USP13: variants seen among roughly 807,000 people sequenced by gnomAD.
The protein encoded by USP13 is ubiquitin specific peptidase 13.
Under a neutral mutation model 107.8 loss-of-function variants are expected in USP13, and 68 were observed. That is an observed-to-expected ratio of 0.63 (90% CI 0.52 to 0.77). USP13 has a LOEUF of 0.77. Ranked by LOEUF, USP13 falls within the 30% of genes least tolerant of loss-of-function variation. USP13 has a pLI of 0.00. For synonymous variants in USP13, 377 were observed against 389.5 expected (o/e 0.97, Z 0.38); for missense variants, 945 against 1,093.3 (o/e 0.86, Z 1.91).
chr3:179,689,531 G>A (rs1013803112), intron 2 of USP13, among the ~76,000 whole-genome samples: 14 of 151,928 alleles, frequency 9.2e-5, no homozygotes, highest in African/African-American at 2.4e-4. Flanking sequence ...GGTGGCAGCC[G>A]CTTGTAATCT....
At chr3:179,736,882 G>A (rs1411704855) in intron 10 of USP13, among the ~76,000 whole-genome samples, 1 of 152,212 alleles carries the variant, frequency 6.6e-6, no homozygotes, top group Non-Finnish European at 1.5e-5. Flanking sequence ...TATGGTCTGT[G>A]TTGGGGACTG....
chr3:179,730,159 A>C (rs1394468999), intron 8 of USP13, 30 bp from the exon 9 acceptor site: 1 of 1,591,718 alleles, frequency 6.3e-7, no homozygotes, highest in Non-Finnish European at 8.6e-7. Context: ...TGCAGTTGCT[A>C]TGTTTTAACT....
At chr3:179,682,225 G>T (rs1227860509) in intron 2 of USP13, among the ~76,000 whole-genome samples, 3 of 138,342 alleles carry the variant, frequency 2.2e-5, no homozygotes, top group African/African-American at 7.8e-5. Flanking sequence ...GTGTTTTTAA[G>T]AATACATAGA....
chr3:179,740,468 ACT>A (rs1714154817), intron 11 of USP13, 96 bp downstream of exon 11: 1 of 1,531,128 alleles, frequency 6.5e-7, no homozygotes, highest in Non-Finnish European at 8.9e-7. Context: ...ATGCCTCCCC[ACT>A]CTCTTTCTTC....
intron 6 of USP13, among the ~76,000 whole-genome samples, chr3:179,713,000 G>T (rs1170369466): frequency 6.6e-6 from 1 of 152,040 alleles, no homozygotes; most frequent in East Asian, 1.9e-4. Context: ...CAATGTTTTT[G>T]TAGGTTTAGG....
At chr3:179,777,345 G>T (rs2108552588) in intron 19 of USP13, among the ~76,000 whole-genome samples, 1 of 151,792 alleles carries the variant, frequency 6.6e-6, no homozygotes, top group South Asian at 2.1e-4. Flanking sequence ...GGTGGGAAGT[G>T]CTCAGTAAAC....
chr3:179,709,325 A>G (rs1380806443), intron 6 of USP13, among the ~76,000 whole-genome samples: 1 of 152,232 alleles, frequency 6.6e-6, no homozygotes, highest in Non-Finnish European at 1.5e-5. Flanking sequence ...GTGAGTGTGC[A>G]TAATCAAGTC....
chr3:179,752,202 C>A, intron 13 of USP13, 83 bp from the exon 14 acceptor site: 1 of 1,265,738 alleles, frequency 7.9e-7, no homozygotes, highest in Non-Finnish European at 1.1e-6. Flanking sequence ...AGGTGTGCCT[C>A]AGACAAAGTT....
intron 3 of USP13, among the ~76,000 whole-genome samples, chr3:179,698,871 A>ATTTTTTT: frequency 6.9e-6 from 1 of 144,482 alleles, no homozygotes; most frequent in Non-Finnish European, 1.5e-5. Flanking sequence ...GTTGAATACT[A>ATTTTTTT]TTTTTTTTTT....
At chr3:179,694,304 C>T (rs80098424) in intron 3 of USP13, among the ~76,000 whole-genome samples, 27,047 of 151,954 alleles carry the variant, frequency 0.18, 2,609 homozygotes, top group Non-Finnish European at 0.2. Context: ...AAGATAGATG[C>T]TTATTTTGCT....
chr3:179,770,712 C>T (rs1715318492), intron 19 of USP13, among the ~76,000 whole-genome samples: 1 of 151,898 alleles, frequency 6.6e-6, no homozygotes. Context: ...TCAAGCTATT[C>T]TCCTGCCTCA....
intron 1 of USP13, among the ~76,000 whole-genome samples, chr3:179,672,274 C>T (rs1720770785): frequency 6.6e-6 from 1 of 152,104 alleles, no homozygotes; most frequent in South Asian, 2.1e-4. Flanking sequence ...GGATACAATA[C>T]AAAGTAGCAA....
chr3:179,748,980 G>A (rs919208094), intron 13 of USP13, among the ~76,000 whole-genome samples: 27 of 152,192 alleles, frequency 1.8e-4, no homozygotes, highest in Non-Finnish European at 2.2e-4. Flanking sequence ...GGCAAATATA[G>A]GATGGAGTTG....
intron 14 of USP13, among the ~76,000 whole-genome samples, chr3:179,752,984 T>C (rs1714664206): frequency 6.6e-6 from 1 of 152,190 alleles, no homozygotes; most frequent in Non-Finnish European, 1.5e-5. Context: ...TTCCTGACCA[T>C]TGTTAGAGGT....
intron 8 of USP13, among the ~76,000 whole-genome samples, chr3:179,728,320 G>C (rs1363890365): frequency 2.0e-5 from 3 of 149,478 alleles, no homozygotes; most frequent in Non-Finnish European, 4.5e-5. Context: ...CGGCCGGGCA[G>C]AGACGCTCCT....
intron 3 of USP13, among the ~76,000 whole-genome samples, chr3:179,691,688 G>T (rs963983240): frequency 6.6e-6 from 1 of 152,100 alleles, no homozygotes; most frequent in Admixed American, 6.5e-5. Context: ...TAAATATTTT[G>T]TTTCTCCTCA....
At chr3:179,756,753 T>A (rs1235878850) in intron 15 of USP13, among the ~76,000 whole-genome samples, 1 of 152,124 alleles carries the variant, frequency 6.6e-6, no homozygotes, top group Non-Finnish European at 1.5e-5. Flanking sequence ...AGTCAGACAC[T>A]GTCTCCAAAA....
At chr3:179,777,683 C>A (rs1715596163) in intron 19 of USP13, among the ~76,000 whole-genome samples, 2 of 151,734 alleles carry the variant, frequency 1.3e-5, no homozygotes, top group Admixed American at 6.6e-5. Context: ...AACTCCTGAG[C>A]ACAAGCAATC....
intron 6 of USP13, among the ~76,000 whole-genome samples, chr3:179,716,452 C>T (rs1249038557): frequency 5.3e-5 from 8 of 152,284 alleles, no homozygotes; most frequent in African/African-American, 1.9e-4. Context: ...GGCAGGGACT[C>T]TGCATATCTT....
Sources: gnomAD v4.1 joint callset for allele counts (sites outside exome capture counted in the v4.1 genomes callset) on GRCh38, gnomAD v4.1.1 for gene constraint, MANE v1.5 for transcripts, NCBI Gene and HGNC (gene_info 2026-07-23, HGNC 2026-07-21) for gene names.